Variants in ZHX2 observed in about 807,000 individuals in gnomAD.
ZHX2 encodes the protein zinc fingers and homeoboxes protein 2.
Under a neutral mutation model 21.9 loss-of-function variants are expected in ZHX2, and 6 were observed. The observed-to-expected ratio is 0.27, with a 90% confidence interval of 0.15 to 0.54. The LOEUF (loss-of-function observed/expected upper bound fraction) is 0.54, where lower values mean the gene tolerates loss of function less well. Among genes scored for constraint, ZHX2 ranks in the 20% least tolerant of loss-of-function variants. ZHX2 has a pLI of 0.95. For synonymous variants in ZHX2, 434 were observed against 437.1 expected (o/e 0.99, Z 0.09); for missense variants, 908 against 1,090.7 (o/e 0.83, Z 2.36).
At chr8:122,970,469 T>C (rs542418953) in intron 3 of ZHX2, among the ~76,000 whole-genome samples, 11 of 152,112 alleles carry the variant, frequency 7.2e-5, no homozygotes, top group African/African-American at 2.4e-4. Context: ...CTCTGTGCAA[T>C]GGAAGTGAGA....
chr8:122,785,734 C>T lies in ZHX2; in HGVS notation c.-283+3788C>T, dbSNP rs116944812. 1.6e-4 allele frequency among the ~76,000 whole-genome samples: 24 copies of T among 152,204 alleles called. No individual in the cohort carries two copies. In the East Asian group the frequency reaches 3.7e-3, roughly 23 times the overall value. On this transcript the variant is annotated intron_variant, in intron 1 of 3. Coordinates refer to ENST00000314393, the MANE Select transcript of ZHX2 (RefSeq NM_014943.5). Reference sequence around the variant, plus strand: ...TTGAGTTGGCAGGGAGGGCATGTGCCGCCTGAGAAAGAAGGGCCCTGGGAG... The same window carrying T: ...TTGAGTTGGCAGGGAGGGCATGTGCTGCCTGAGAAAGAAGGGCCCTGGGAG...
Position 122,953,130 on chromosome 8 carries a change from G to C in ZHX2, c.1620G>C (p.Gln540His). 2 of 1,613,914 alleles carry C rather than the reference G, an allele frequency of 1.2e-6. No individual in the cohort carries two copies. Among genetic ancestry groups the C allele is most frequent in the African/African-American group, 2.7e-5 (2 of 75,022 alleles). ...PQKFKEKTQG[Q>H]VKILEDSFLK... Reference sequence around the variant, plus strand: ...AGTTCAAAGAGAAAACACAGGGTCAGGTTAAAATCTTGGAAGACAGCTTTT... The same window carrying C: ...AGTTCAAAGAGAAAACACAGGGTCACGTTAAAATCTTGGAAGACAGCTTTT... Residue 540 changes from glutamine (Q) to histidine (H), a missense_variant, in exon 3 of 4, where the codon CAG (glutamine) becomes CAC (histidine). Physicochemically the swap from Gln to His is conservative, Grantham distance 24. This residue lies in a region of ZHX2 where 431 missense variants were observed against 428.6 expected (regional missense o/e 1.01). Coordinates refer to ENST00000314393, the MANE Select transcript of ZHX2 (RefSeq NM_014943.5). This position sits in a 1 kb window ranked among gnomAD's most constrained non-coding sequence, Gnocchi z 4.6.
intron 2 of ZHX2, among the ~76,000 whole-genome samples, chr8:122,949,533 A>C (rs1420942287): frequency 1.3e-5 from 2 of 152,144 alleles, no homozygotes; most frequent in African/African-American, 4.8e-5. Flanking sequence ...TCAATCAAGA[A>C]AAGCATACAA....
intron 3 of ZHX2, among the ~76,000 whole-genome samples, chr8:122,959,530 A>G (rs1813390515): frequency 6.6e-6 from 1 of 152,230 alleles, no homozygotes; most frequent in African/African-American, 2.4e-5. Context: ...TCCCTAGTTT[A>G]GATTCAGAGC....
At chr8:122,885,654 C>A (rs1272284248) in intron 2 of ZHX2, among the ~76,000 whole-genome samples, 1 of 152,154 alleles carries the variant, frequency 6.6e-6, no homozygotes, top group Non-Finnish European at 1.5e-5. Flanking sequence ...CAATTTGAGG[C>A]AGCGTTGCTA....
chr8:122,959,007 T>G (rs1001789127), intron 3 of ZHX2, among the ~76,000 whole-genome samples: 3 of 152,158 alleles, frequency 2.0e-5, no homozygotes, highest in Non-Finnish European at 4.4e-5. Flanking sequence ...GAGGTGGCTT[T>G]TCCAACATGT....
chr8:122,879,356 G>GCCA (rs1173453304), intron 2 of ZHX2, among the ~76,000 whole-genome samples: 1 of 151,994 alleles, frequency 6.6e-6, no homozygotes, highest in East Asian at 1.9e-4. Flanking sequence ...ACAGACACAT[G>GCCA]CCACCACGCC....
chr8:122,955,069 C>CGGGGGGGGGGGGGGG (rs35647179), intron 3 of ZHX2, among the ~76,000 whole-genome samples: 1 of 20,694 alleles, frequency 4.8e-5, no homozygotes, highest in Non-Finnish European at 1.2e-4. Flanking sequence ...TCACATAAGC[C>CGGGGGGGGGGGGGGG]GGGGGGGGGG....
chr8:122,807,058 G>T (rs1817839426), intron 1 of ZHX2, among the ~76,000 whole-genome samples: 2 of 152,186 alleles, frequency 1.3e-5, no homozygotes. Context: ...GAGAAGGGTG[G>T]ACAGTGGAAG....
intron 1 of ZHX2, among the ~76,000 whole-genome samples, chr8:122,842,421 C>T (rs1027970934): frequency 3.9e-5 from 6 of 152,172 alleles, no homozygotes; most frequent in Admixed American, 1.3e-4. Flanking sequence ...AAAGCTGACT[C>T]CTGGCTGGGC....
At chr8:122,837,155 A>T (rs1426476675) in intron 1 of ZHX2, among the ~76,000 whole-genome samples, 3 of 152,206 alleles carry the variant, frequency 2.0e-5, no homozygotes, top group African/African-American at 7.2e-5. Flanking sequence ...CTTGTTTAGC[A>T]TATCATCAAG....
At chr8:122,947,326 T>C (rs1163283030) in intron 2 of ZHX2, among the ~76,000 whole-genome samples, 1 of 151,930 alleles carries the variant, frequency 6.6e-6, no homozygotes, top group East Asian at 1.9e-4. Context: ...TGCTGTCCAA[T>C]AGGACTTCCT....
chr8:122,833,353 A>T (rs750941971), intron 1 of ZHX2, among the ~76,000 whole-genome samples: 1 of 151,908 alleles, frequency 6.6e-6, no homozygotes, highest in South Asian at 2.1e-4. Context: ...ACTGGTGAGG[A>T]GGTGAGAAAT....
intron 1 of ZHX2, among the ~76,000 whole-genome samples, chr8:122,858,856 G>T (rs1387756028): frequency 6.6e-6 from 1 of 152,048 alleles, no homozygotes; most frequent in African/African-American, 2.4e-5. Context: ...GGCCAGGCTG[G>T]TCTCAAACTC....
intron 2 of ZHX2, among the ~76,000 whole-genome samples, chr8:122,918,788 T>C (rs770078377): frequency 6.6e-6 from 1 of 151,586 alleles, no homozygotes; most frequent in Non-Finnish European, 1.5e-5. Context: ...CTACTAAAAA[T>C]ACAAAAATGA....
At chr8:122,804,358 C>T (rs949190541) in intron 1 of ZHX2, among the ~76,000 whole-genome samples, 1 of 152,192 alleles carries the variant, frequency 6.6e-6, no homozygotes, top group African/African-American at 2.4e-5. Flanking sequence ...ATCCACCCAC[C>T]TCGGCATCCC....
chr8:122,917,183 G>A (rs1208911143), intron 2 of ZHX2, among the ~76,000 whole-genome samples: 2 of 152,032 alleles, frequency 1.3e-5, no homozygotes, highest in African/African-American at 2.4e-5. Context: ...ACCTACTGTG[G>A]CGTGGCCTCC....
intron 1 of ZHX2, among the ~76,000 whole-genome samples, chr8:122,847,813 G>T (rs539084889): frequency 6.6e-6 from 1 of 152,176 alleles, no homozygotes; most frequent in Non-Finnish European, 1.5e-5. Context: ...ACCAGTCTCC[G>T]CCCTCTGAAG....
intron 1 of ZHX2, among the ~76,000 whole-genome samples, chr8:122,818,432 C>T (rs1818075950): frequency 6.6e-6 from 1 of 152,090 alleles, no homozygotes; most frequent in African/African-American, 2.4e-5. Context: ...TCAATCAGAC[C>T]CGGTCACCTC....
Sources: gnomAD v4.1 joint callset for allele counts (sites outside exome capture counted in the v4.1 genomes callset) on GRCh38, gnomAD v4.1.1 for gene constraint, gnomAD v4.1.1 regional missense constraint, Gnocchi (gnomAD v3.1) non-coding constraint, MANE v1.5 for transcripts, NCBI Gene and HGNC (gene_info 2026-07-23, HGNC 2026-07-21) for gene names.